The following NRCAM variants were observed in gnomAD, a reference collection of about 807,000 sequenced individuals.
NRCAM encodes neuronal cell adhesion molecule.
A neutral mutation model predicts 156.5 loss-of-function variants in NRCAM; 83 were observed. That is an observed-to-expected ratio of 0.53 (90% CI 0.44 to 0.64). The LOEUF is 0.64. Ranked by LOEUF, NRCAM falls within the 30% of genes least tolerant of loss-of-function variation. NRCAM has a pLI of 0.00. For missense variants in NRCAM, 1,417 were observed against 1,597.3 expected (o/e 0.89, Z 1.92); for synonymous variants, 538 against 563.9 (o/e 0.95, Z 0.65).
At position 108,255,578 on chromosome 7, in the gene NRCAM, C is replaced by T. The variant is rs1214583554; in HGVS notation, c.-106-15408G>A. Among the ~76,000 whole-genome samples, 5 of 152,202 alleles carry T rather than the reference C, an allele frequency of 3.3e-5. No homozygotes were observed. The East Asian group carries it at 5.8e-4, about 18-fold the overall frequency. Reference sequence around the variant, plus strand: ...AAGTGCCGAGATTGCAGCCTCTGCCCGGCCGCCACCCCGTCTGGGAAGTGA... The same window carrying T: ...AAGTGCCGAGATTGCAGCCTCTGCCTGGCCGCCACCCCGTCTGGGAAGTGA... On this transcript the variant is annotated intron_variant, in intron 3 of 32. Transcript: ENST00000379028.
chr7:108,177,116 GTTCT>G (rs1467445813), intron 26 of NRCAM, among the ~76,000 whole-genome samples: 1 of 152,056 alleles, frequency 6.6e-6, no homozygotes, highest in Non-Finnish European at 1.5e-5. Flanking sequence ...AAGATTTGAA[GTTCT>G]TTCTGAAACA....
At chr7:108,407,220 A>T (rs1231565381) in intron 1 of NRCAM, among the ~76,000 whole-genome samples, 5 of 152,194 alleles carry the variant, frequency 3.3e-5, no homozygotes, top group African/African-American at 9.7e-5. Context: ...TACACCATGA[A>T]CATTTCCCCA....
Position 108,148,401 on chromosome 7 carries a change from C to CTT in NRCAM, c.*1507_*1508dup, listed in dbSNP as rs933416507. 5.9e-5 allele frequency: 9 copies of CTT among 152,528 alleles called. No individual in the cohort carries two copies. The highest frequency in any genetic ancestry group is 1.9e-4 in the African/African-American group (8 of 41,416). The allele number at this position is 152,528 out of a possible 1,614,324, so 9.4% of individuals were successfully genotyped here. A position where few individuals can be genotyped will look rare whatever the true frequency, so the allele number is the denominator to read the frequency against. ...CAACAAAATATCTACATATAAAAAG[C>CTT]TTTACTTAAAATTAAACTTGATGCA... is the stretch of plus-strand genomic sequence containing the variant. On this transcript the variant is annotated 3_prime_UTR_variant, in exon 33 of 33. Transcript: ENST00000379028.
In NRCAM at chr7:108,232,445, G is replaced by T; in HGVS notation, c.308C>A (p.Thr103Lys). The change falls in exon 7 of 33, where the codon ACG becomes AAG. Residue 103 changes from threonine to lysine, a missense_variant. By Grantham distance (78) the Thr-to-Lys change is moderately conservative. Coordinates refer to ENST00000379028, the MANE Select transcript of NRCAM (RefSeq NM_001037132.4). The stretch of plus-strand genomic sequence containing the variant: ...TTCGCTCATGATGTTAATTATGAGC[G>T]TTCCTGTGCCAGGCTTCATGGTGAC... ...PLVTMKPGTG[T>K]LIINIMSEGK... The T allele has an allele frequency of 6.2e-7, 1 of 1,613,540 alleles. No homozygotes were observed. Among genetic ancestry groups the T allele is most frequent in the South Asian group, 1.1e-5 (1 of 91,054 alleles).
At chr7:108,366,309 G>A (rs762849949) in intron 2 of NRCAM, among the ~76,000 whole-genome samples, 24 of 152,192 alleles carry the variant, frequency 1.6e-4, no homozygotes, top group Non-Finnish European at 3.5e-4. Context: ...GGTTAATAAA[G>A]TGATAGGTGG....
rs182166051 is a variant in NRCAM, at chr7:108,362,170, C to A, written c.-174+37266G>T. Among the ~76,000 whole-genome samples the A allele has an allele frequency of 4.5e-3, 686 of 152,256 alleles. 7 individuals carry two copies. The highest frequency in any genetic ancestry group is 0.015 in the African/African-American group (623 of 41,540). ...CTCACAGTTCTGTAGACTGGAAAGT[C>A]CCAGATCAAAGCCTGGCAGATCTGG... On this transcript the variant is annotated intron_variant, in intron 2 of 32. Coordinates refer to ENST00000379028, the MANE Select transcript of NRCAM (RefSeq NM_001037132.4).
intron 3 of NRCAM, among the ~76,000 whole-genome samples, chr7:108,288,657 A>C (rs979782645): frequency 6.6e-6 from 1 of 152,138 alleles, no homozygotes; most frequent in Non-Finnish European, 1.5e-5. Flanking sequence ...TTTAAATTAC[A>C]TAAGAACCTG....
chr7:108,396,663 G>T (rs2099777765), intron 2 of NRCAM, among the ~76,000 whole-genome samples: 1 of 152,192 alleles, frequency 6.6e-6, no homozygotes, highest in South Asian at 2.1e-4. Flanking sequence ...TCATTACACA[G>T]TGTATGCATG....
rs184285044 is a variant in NRCAM at position 108,174,789 on chromosome 7, G to T, written c.3187+533C>A. Among the ~76,000 whole-genome samples, 154 of 152,366 alleles carry T rather than the reference G, an allele frequency of 1.0e-3. 2 individuals carry two copies. In the Middle Eastern group the frequency reaches 0.014, roughly 13 times the overall value. ...TCACCTGGAAGACTCACTTGCAGGG[G>T]ACCCTAAGCTCGGGGAGACTTAGTC... On this transcript the variant is annotated intron_variant, in intron 28 of 32. Coordinates refer to ENST00000379028, the MANE Select transcript of NRCAM (RefSeq NM_001037132.4).
chr7:108,337,318 G>A (rs982052678), intron 2 of NRCAM, among the ~76,000 whole-genome samples: 4 of 151,340 alleles, frequency 2.6e-5, no homozygotes, highest in Non-Finnish European at 5.9e-5. Context: ...CCTTTGTATA[G>A]GAGCTCTGTT....
chr7:108,222,373 C>A (rs1449081130), intron 11 of NRCAM, among the ~76,000 whole-genome samples: 1 of 152,100 alleles, frequency 6.6e-6, no homozygotes, highest in East Asian at 1.9e-4. Flanking sequence ...TTTAAAAATT[C>A]TTTTGGGAGT....
intron 2 of NRCAM, among the ~76,000 whole-genome samples, chr7:108,342,154 T>A (rs910168444): frequency 6.6e-6 from 1 of 152,212 alleles, no homozygotes; most frequent in Non-Finnish European, 1.5e-5. Context: ...ACCTGGACAC[T>A]CTTGTCCTTC....
chr7:108,359,394 G>A (rs912183694), intron 2 of NRCAM, among the ~76,000 whole-genome samples: 1 of 152,208 alleles, frequency 6.6e-6, no homozygotes, highest in African/African-American at 2.4e-5. Flanking sequence ...CAGGACAGGT[G>A]TTTGAGAGAA....
chr7:108,257,031 A>G (rs1424281550), intron 3 of NRCAM, among the ~76,000 whole-genome samples: 3 of 144,344 alleles, frequency 2.1e-5, no homozygotes, highest in Admixed American at 6.9e-5. Context: ...AAAAAGAAAA[A>G]GAAAAAGAAA....
intron 8 of NRCAM, 53 bp downstream of exon 8, chr7:108,230,978 G>A (rs988368405): frequency 2.1e-6 from 3 of 1,427,688 alleles, no homozygotes; most frequent in Non-Finnish European, 2.9e-6. Flanking sequence ...TATTATGACT[G>A]TAAACAATCC....
chr7:108,401,919 G>A (rs2099793925), intron 1 of NRCAM, among the ~76,000 whole-genome samples: 1 of 152,204 alleles, frequency 6.6e-6, no homozygotes, highest in Non-Finnish European at 1.5e-5. Flanking sequence ...CCATGGTGTG[G>A]TGCTTTCAGA....
At chr7:108,255,427 C>G (rs923151354) in intron 3 of NRCAM, among the ~76,000 whole-genome samples, 2 of 152,202 alleles carry the variant, frequency 1.3e-5, no homozygotes, top group African/African-American at 4.8e-5. Context: ...CTGGGCCTCC[C>G]GAGGTGCCGG....
chr7:108,301,624 C>T (rs1228332083), intron 3 of NRCAM, among the ~76,000 whole-genome samples: 9 of 151,986 alleles, frequency 5.9e-5, no homozygotes, highest in Admixed American at 3.9e-4. Context: ...TTTGCTTATC[C>T]TATGGACATG....
chr7:108,340,247 C>A (rs897037466), intron 2 of NRCAM, among the ~76,000 whole-genome samples: 1 of 152,134 alleles, frequency 6.6e-6, no homozygotes, highest in Non-Finnish European at 1.5e-5. Flanking sequence ...TGCCAATATT[C>A]CCCGTTTATG....
Sources: gnomAD v4.1 joint callset for allele counts (sites outside exome capture counted in the v4.1 genomes callset) on GRCh38, gnomAD v4.1.1 for gene constraint, MANE v1.5 for transcripts, NCBI Gene and HGNC (gene_info 2026-07-23, HGNC 2026-07-21) for gene names.